SARDH: variants seen among roughly 807,000 people sequenced by gnomAD.
SARDH encodes sarcosine dehydrogenase, also known as sarcosine dehydrogenase, mitochondrial.
SARDH carries 95 observed loss-of-function variants against 109.1 expected under a neutral mutation model. The observed-to-expected ratio is 0.87, with a 90% confidence interval of 0.74 to 1.03. SARDH has a LOEUF of 1.03. Among genes scored for constraint, SARDH ranks in the 50% least tolerant of loss-of-function variants. The probability of loss-of-function intolerance (pLI) is 0.00; values close to 1 mark genes in which losing one functional copy is unlikely to be tolerated. For synonymous variants in SARDH, 572 were observed against 534.8 expected (o/e 1.07, Z -0.96); for missense variants, 1,267 against 1,287.8 (o/e 0.98, Z 0.25).
intron 13 of SARDH, 37 bp from the exon 14 acceptor site, chr9:133,696,398 C>A (rs1409744292): frequency 6.2e-7 from 1 of 1,613,120 alleles, no homozygotes; most frequent in Non-Finnish European, 8.5e-7. Flanking sequence ...GCCACGGGGG[C>A]CTTTGGGGTG....
At chr9:133,662,150 A>G (rs1057312648), downstream of SARDH, among the ~76,000 whole-genome samples, 4 of 151,872 alleles carry the variant, frequency 2.6e-5, no homozygotes, top group Non-Finnish European at 5.9e-5. This position sits in a 1 kb window ranked among gnomAD's most constrained non-coding sequence, Gnocchi z 5.1. Context: ...GGGGACAGGG[A>G]GGGGTGCTGG....
At chr9:133,733,204 A>C (rs1832747358) in intron 2 of SARDH, among the ~76,000 whole-genome samples, 1 of 152,194 alleles carries the variant, frequency 6.6e-6, no homozygotes, top group Admixed American at 6.5e-5. Context: ...TCAGGAGCCC[A>C]GGGATAAACC....
At chr9:133,716,836 C>A (rs1832141142) in intron 8 of SARDH, among the ~76,000 whole-genome samples, 1 of 152,206 alleles carries the variant, frequency 6.6e-6, no homozygotes, top group South Asian at 2.1e-4. Flanking sequence ...GGGGTCCTGG[C>A]CAGGGCAGTG....
chr9:133,684,138 A>T (rs1310338695), intron 17 of SARDH, among the ~76,000 whole-genome samples: 3 of 152,216 alleles, frequency 2.0e-5, no homozygotes, highest in Admixed American at 6.5e-5. Context: ...TCATGCACTG[A>T]GGTTCTCAAT....
At position 133,690,462 on chromosome 9, in the gene SARDH, C is replaced by T. The variant is rs750212878; in HGVS notation, c.1987G>A (p.Val663Met). The T allele has an allele frequency of 7.6e-5, 122 of 1,612,410 alleles. No individual in the cohort carries two copies. The highest frequency in any genetic ancestry group is 1.2e-4 in the Admixed American group (7 of 60,002). Residue 663 changes from valine to methionine, a missense_variant, in exon 16 of 21, where the codon GTG becomes ATG. Coordinates refer to ENST00000439388, the MANE Select transcript of SARDH (RefSeq NM_001134707.2). ...AQHNWSHITT[V>M]LQDQKSQCQL... is the part of the protein sequence containing the mutation. ...CACTGGGACTTCTGGTCCTGCAGCA[C>T]GGTGGTGATGTGGGACCAGTTGTGC...
chr9:133,690,515 T>C lies in SARDH; in HGVS notation c.1934A>G (p.Tyr645Cys), dbSNP rs1025265448. The C allele has an allele frequency of 3.7e-6, 6 of 1,601,588 alleles. No individual in the cohort carries two copies. The highest frequency in any genetic ancestry group is 1.6e-4 in the Middle Eastern group (1 of 6,062). The change falls in exon 16 of 21, where the codon TAC (tyrosine) becomes TGC (cysteine). Residue 645 changes from tyrosine (Y) to cysteine (C), a missense_variant. Coordinates refer to ENST00000439388, the MANE Select transcript of SARDH (RefSeq NM_001134707.2). Reference sequence around the variant, plus strand: ...GGCCACGGCCCCGCCCATGGCCAGGTAGTAACCGTCCCCTGGAAGAGAGGC... The same window carrying C: ...GGCCACGGCCCCGCCCATGGCCAGGCAGTAACCGTCCCCTGGAAGAGAGGC... The part of the protein sequence containing the change: ...LAPAFEGDGY[Y>C]LAMGGAVAQH...
At chr9:133,681,194 C>T (rs1830683049) in intron 17 of SARDH, among the ~76,000 whole-genome samples, 1 of 152,172 alleles carries the variant, frequency 6.6e-6, no homozygotes, top group African/African-American at 2.4e-5. Context: ...GGATGGGGCC[C>T]ACAGGGATGG....
intron 6 of SARDH, among the ~76,000 whole-genome samples, chr9:133,727,448 G>T (rs76436128): frequency 2.8e-4 from 43 of 152,360 alleles, no homozygotes; most frequent in East Asian, 9.6e-4. Context: ...GGCTGCACAG[G>T]TGCCATGCGC....
At chr9:133,660,678 G>GC (rs1832401401), downstream of SARDH, among the ~76,000 whole-genome samples, 1 of 152,070 alleles carries the variant, frequency 6.6e-6, no homozygotes, top group Non-Finnish European at 1.5e-5. Context: ...GGGTTCCCCA[G>GC]CCTCCCAGGG....
In SARDH at chr9:133,693,982, C is replaced by T. The variant is rs1170439855; in HGVS notation, c.1921+276G>A. ...CTTTGTTCCGGGAAACCGAGCCGAG[C>T]ACGCCCACACTGCAGCCACTCCGAA... is the stretch of plus-strand genomic sequence containing the variant. On this transcript the variant is annotated intron_variant, in intron 15 of 20. Coordinates refer to ENST00000439388, the MANE Select transcript of SARDH (RefSeq NM_001134707.2). This position sits in a 1 kb window ranked among gnomAD's most constrained non-coding sequence, Gnocchi z 5.6. Among the ~76,000 whole-genome samples the T allele has an allele frequency of 6.6e-6, 1 of 152,242 alleles. No individual in the cohort carries two copies. The highest frequency in any genetic ancestry group is 1.5e-5 in the Non-Finnish European group (1 of 68,038).
chr9:133,701,985 C>T (rs1444764082), intron 13 of SARDH, among the ~76,000 whole-genome samples: 1 of 152,214 alleles, frequency 6.6e-6, no homozygotes, highest in East Asian at 1.9e-4. Flanking sequence ...TCAGACCCTA[C>T]CCAAGCCGGA....
At chr9:133,697,880 G>A (rs938324611) in intron 13 of SARDH, among the ~76,000 whole-genome samples, 1 of 151,894 alleles carries the variant, frequency 6.6e-6, no homozygotes, top group African/African-American at 2.4e-5. Context: ...ACATTGCACT[G>A]GAGGCTCTAG....
intron 11 of SARDH, among the ~76,000 whole-genome samples, chr9:133,707,043 G>A (rs907882668): frequency 1.3e-5 from 2 of 152,272 alleles, no homozygotes; most frequent in African/African-American, 4.8e-5. Flanking sequence ...GAGGCAAACT[G>A]TTCATCTCAA....
intron 17 of SARDH, among the ~76,000 whole-genome samples, chr9:133,679,542 C>A (rs1830625361): frequency 6.6e-6 from 1 of 152,222 alleles, no homozygotes; most frequent in South Asian, 2.1e-4. Context: ...TCGGCAGGGG[C>A]CCTGGGAACA....
chr9:133,717,066 C>T (rs1284506444), intron 8 of SARDH, among the ~76,000 whole-genome samples: 1 of 152,202 alleles, frequency 6.6e-6, no homozygotes, highest in Non-Finnish European at 1.5e-5. Flanking sequence ...CCAGGACCAG[C>T]CACCCTTGAG....
chr9:133,705,550 C>T lies in SARDH; in HGVS notation c.1471-519G>A, dbSNP rs1244817219. Among the ~76,000 whole-genome samples, 6 of 35,604 alleles carry T rather than the reference C, an allele frequency of 1.7e-4. No homozygotes were observed. In the East Asian group the frequency reaches 0.033, roughly 196 times the overall value. The allele number at this position is 35,604 out of a possible 152,430, so 23.4% of individuals were successfully genotyped here. The stretch of plus-strand genomic sequence containing the variant: ...TTACCGCCTGCCCCATCTGCCCTCA[C>T]CCTGAGAACCCCATCTGTAGAATTA... On this transcript the variant is annotated intron_variant, in intron 11 of 20. Coordinates refer to ENST00000439388, the MANE Select transcript of SARDH (RefSeq NM_001134707.2).
intron 6 of SARDH, among the ~76,000 whole-genome samples, chr9:133,721,102 G>A (rs916016669): frequency 3.9e-5 from 6 of 152,134 alleles, no homozygotes; most frequent in Non-Finnish European, 7.3e-5. Context: ...AAATGGAGTC[G>A]AGAAAAATGT....
intron 1 of SARDH, among the ~76,000 whole-genome samples, chr9:133,735,926 G>A (rs12237736): frequency 0.18 from 26,934 of 151,944 alleles, 2,511 homozygotes; most frequent in Admixed American, 0.21. Flanking sequence ...TGTAATCCCA[G>A]CTACTCTGGA....
chr9:133,681,950 G>A (rs129952), intron 17 of SARDH, among the ~76,000 whole-genome samples: 5,293 of 147,610 alleles, frequency 0.036, 339 homozygotes, highest in African/African-American at 0.12. Flanking sequence ...AGCCTAGAAA[G>A]CATTGTGCTT....
Sources: allele counts gnomAD v4.1 joint callset (sites outside exome capture counted in the v4.1 genomes callset), GRCh38; gene constraint gnomAD v4.1.1; non-coding constraint Gnocchi (gnomAD v3.1); transcripts MANE v1.5; gene names NCBI Gene and HGNC (gene_info 2026-07-23, HGNC 2026-07-21).